Variants in ENSA observed in about 807,000 individuals in gnomAD.
The protein encoded by ENSA is endosulfine alpha, also known as alpha-endosulfine.
A neutral mutation model predicts 16.8 loss-of-function variants in ENSA; 7 were observed. The observed-to-expected ratio is 0.42, with a 90% CI of 0.24 to 0.78. ENSA has a LOEUF of 0.78. Ranked by LOEUF, ENSA falls within the 30% of genes least tolerant of loss-of-function variation. ENSA has a pLI of 0.29. For missense variants in ENSA, 87 were observed against 142.3 expected (o/e 0.61, Z 1.98); for synonymous variants, 58 against 53.4 (o/e 1.09, Z -0.37).
rs1273289159 is a variant in ENSA, at chr1:150,627,326, C to T, written c.183+141G>A. The stretch of plus-strand genomic sequence containing the variant: ...CAGGGATTTACATTAATTTGACTTG[C>T]TCTTTTCAAATTTCAAATTCGCCTC... On this transcript the variant is annotated intron_variant, in intron 2 of 3. Coordinates refer to ENST00000369014, the MANE Select transcript of ENSA (RefSeq NM_004436.4). 5 of 1,602,848 alleles carry T rather than the reference C, an allele frequency of 3.1e-6. No individual in the cohort carries two copies. The African/African-American group carries it at 4.0e-5, about 13-fold the overall frequency.
intron 3 of ENSA, chr1:150,623,806 C>T (rs928006517): frequency 1.0e-6 from 1 of 985,632 alleles, no homozygotes; most frequent in African/African-American, 1.7e-5. Context: ...AAGTGACAGT[C>T]AAGGAGTTTG....
chr1:150,625,286 A>T, intron 3 of ENSA: 2 of 1,010,138 alleles, frequency 2.0e-6, no homozygotes, highest in Non-Finnish European at 2.4e-6. Context: ...AACCTGCCAA[A>T]CTATTCCCAA....
At chr1:150,627,695 C>G in intron 1 of ENSA, 103 bp from the exon 2 acceptor site, 1 of 1,242,324 alleles carries the variant, frequency 8.0e-7, no homozygotes, top group East Asian at 2.4e-5. Context: ...AATCCACCCA[C>G]TTGTAAATAC....
chr1:150,622,878 G>GAAAAA lies in ENSA; in HGVS notation c.351-24_351-20dup. On this transcript the variant is annotated intron_variant, in intron 3 of 3. Coordinates refer to ENST00000369014, the MANE Select transcript of ENSA (RefSeq NM_004436.4). ...TTGGCCACTGCGGACGAACACAGAA[G>GAAAAA]AAAAAAAAAAAAAACAACACTGTCA... The GAAAAA allele has an allele frequency of 4.0e-6, 5 of 1,241,756 alleles. No individual in the cohort carries two copies. Among genetic ancestry groups the GAAAAA allele is most frequent in the South Asian group, 1.5e-5 (1 of 67,604 alleles). 76.9% of individuals were successfully genotyped at this position (1,241,756 alleles called of 1,614,324 possible).
chr1:150,623,875 A>G (rs1649125038), intron 3 of ENSA: 1 of 985,552 alleles, frequency 1.0e-6, no homozygotes, highest in African/African-American at 1.7e-5. Flanking sequence ...ACTTTCTCCT[A>G]TCCAATTTGA....
chr1:150,627,295 C>T (rs771318784), intron 2 of ENSA, 172 bp downstream of exon 2: 12 of 1,574,720 alleles, frequency 7.6e-6, no homozygotes, highest in African/African-American at 1.4e-5. Context: ...GGAATTGATA[C>T]CACATCAGGG....
At chr1:150,627,687 T>G (rs1408293198) in intron 1 of ENSA, 95 bp from the exon 2 acceptor site, 1 of 1,347,628 alleles carries the variant, frequency 7.4e-7, no homozygotes, top group Non-Finnish European at 1.0e-6. Flanking sequence ...CTCCTGGAAA[T>G]CCACCCACTT....
At chr1:150,623,940 T>A (rs1174287601) in intron 3 of ENSA, 1 of 985,034 alleles carries the variant, frequency 1.0e-6, no homozygotes, top group Non-Finnish European at 1.2e-6. Context: ...ACACACCTCA[T>A]CCCCCCACAT....
rs758879314 is a variant in ENSA at position 150,627,548 on chromosome 1, C to T, written c.102G>A (p.Glu34=). 6 of 1,613,892 alleles carry T rather than the reference C, an allele frequency of 3.7e-6. No individual in the cohort carries two copies. In the African/African-American group the frequency reaches 8.0e-5, roughly 22 times the overall value. The change falls in exon 2 of 4, where the codon GAG becomes GAA. Residue 34 remains glutamate, a synonymous_variant. Coordinates refer to ENST00000369014, the MANE Select transcript of ENSA (RefSeq NM_004436.4). ...TTGGGTATTTGGCCTTTAGCTTTGC[C>T]TCTTCAGCTCTCTCAGGCAGAATAC... ...KEGILPERAE[E]AKLKAKYPSL... is the part of the protein sequence containing the mutation.
At position 150,629,604 on chromosome 1, in the gene ENSA, C is replaced by T; in HGVS notation, c.-134G>A. On this transcript the variant is annotated 5_prime_UTR_variant, in exon 1 of 4. Transcript: ENST00000369014. ...GGGTTGCTCAGTCAAAATGGCGGCC[C>T]TTGCCCGTGACGTTGCGACCGCCCC... 1.7e-6 allele frequency: 2 copies of T among 1,151,600 alleles called. No homozygotes were observed. Among genetic ancestry groups the T allele is most frequent in the South Asian group, 1.5e-5 (1 of 66,174 alleles). 71.3% of individuals were successfully genotyped at this position (1,151,600 alleles called of 1,614,324 possible).
chr1:150,626,649 C>G, intron 2 of ENSA: 1 of 636,684 alleles, frequency 1.6e-6, no homozygotes, highest in Non-Finnish European at 2.7e-6. Flanking sequence ...CTCCGCCTCC[C>G]GGGTTCACGC....
chr1:150,622,946 C>T (rs1384305304), intron 3 of ENSA, 87 bp from the exon 4 acceptor site: 17 of 1,450,120 alleles, frequency 1.2e-5, no homozygotes, highest in Non-Finnish European at 1.4e-5. Context: ...CCAGTCTCTA[C>T]CCCATGATTC....
rs1297653003 is a variant in ENSA at position 150,622,835 on chromosome 1, C to CGG, written c.*7_*8dup. On this transcript the variant is annotated 3_prime_UTR_variant, in exon 4 of 4. Transcript: ENST00000369014. ...AGCGTCTCAGGATCTGGCAGAGCCC[C>CGG]GGGCAGCATCATTCAACTTGGCCAC... The CGG allele has an allele frequency of 1.5e-5, 23 of 1,532,010 alleles. No homozygotes were observed. The highest frequency in any genetic ancestry group is 1.8e-5 in the Non-Finnish European group (21 of 1,136,006). The allele number at this position is 1,532,010 out of a possible 1,614,324, so 94.9% of individuals were successfully genotyped here. A position where few individuals can be genotyped will look rare whatever the true frequency, so the allele number is the denominator to read the frequency against.
At chr1:150,629,223 C>T in intron 1 of ENSA, 191 bp downstream of exon 1, 1 of 1,559,000 alleles carries the variant, frequency 6.4e-7, no homozygotes, top group South Asian at 1.1e-5. Flanking sequence ...GAGTACAGTA[C>T]TGAGTGACAA....
intron 3 of ENSA, among the ~76,000 whole-genome samples, 188 bp from the exon 4 acceptor site, chr1:150,623,047 C>T (rs1384002857): frequency 6.6e-6 from 1 of 152,192 alleles, no homozygotes; most frequent in Non-Finnish European, 1.5e-5. Context: ...GAATTTCAGT[C>T]TTTTCCTATC....
chr1:150,625,253 G>C (rs587751580), intron 3 of ENSA: 245 of 994,546 alleles, frequency 2.5e-4, no homozygotes, highest in Non-Finnish European at 2.6e-4. Context: ...TCCCAACTAC[G>C]TTAGGTTAGC....
intron 2 of ENSA, among the ~76,000 whole-genome samples, chr1:150,626,766 G>A (rs994524951): frequency 5.9e-5 from 9 of 152,096 alleles, no homozygotes; most frequent in Middle Eastern, 3.2e-3. Context: ...CTATGGTCTC[G>A]ATCTCCTGAC....
chr1:150,624,275 C>G, intron 3 of ENSA: 1 of 985,966 alleles, frequency 1.0e-6, no homozygotes, highest in South Asian at 4.7e-5. Context: ...CTCTCCCTCC[C>G]TAACCACTTT....
At chr1:150,623,830 C>T in intron 3 of ENSA, 1 of 985,682 alleles carries the variant, frequency 1.0e-6, no homozygotes, top group Non-Finnish European at 1.2e-6. Context: ...ACCAGGGAGT[C>T]CAGGGATCCT....
Sources: gnomAD v4.1 joint callset for allele counts (sites outside exome capture counted in the v4.1 genomes callset) on GRCh38, gnomAD v4.1.1 for gene constraint, MANE v1.5 for transcripts, NCBI Gene and HGNC (gene_info 2026-07-23, HGNC 2026-07-21) for gene names.